MTUS1: variants seen among roughly 807,000 people sequenced by gnomAD.
MTUS1 encodes microtubule-associated tumor suppressor 1.
A neutral mutation model predicts 120.8 loss-of-function variants in MTUS1; 109 were observed. That is an observed-to-expected ratio of 0.90 (90% CI 0.77 to 1.06). The LOEUF (loss-of-function observed/expected upper bound fraction) is 1.06. Among genes scored for constraint, MTUS1 ranks in the 50% least tolerant of loss-of-function variants. The pLI is 0.00. For missense variants in MTUS1, 2,210 were observed against 1,486.3 expected, an observed-to-expected ratio of 1.49 and a Z score of -8.01; for synonymous variants, 737 against 550.5, an observed-to-expected ratio of 1.34 and a Z score of -4.74.
intron 7 of MTUS1, chr8:17,676,127 T>A: frequency 1.6e-6 from 1 of 628,366 alleles, no homozygotes; most frequent in Non-Finnish European, 2.9e-6. Flanking sequence ...TCCCACCACA[T>A]CCTGATCACA....
chr8:17,761,689 A>C (rs1021554267), intron 1 of MTUS1, among the ~76,000 whole-genome samples: 10 of 152,242 alleles, frequency 6.6e-5, no homozygotes, highest in African/African-American at 2.4e-4. Flanking sequence ...AGTAAAACAT[A>C]AGAACTGGCT....
chr8:17,789,476 T>C (rs2051589666), intron 1 of MTUS1, among the ~76,000 whole-genome samples: 1 of 152,230 alleles, frequency 6.6e-6, no homozygotes, highest in Non-Finnish European at 1.5e-5. Context: ...AAGTGTTAAA[T>C]GACCATGAAC....
At chr8:17,686,615 A>C (rs985777530) in intron 6 of MTUS1, among the ~76,000 whole-genome samples, 2 of 152,180 alleles carry the variant, frequency 1.3e-5, no homozygotes, top group African/African-American at 4.8e-5. Context: ...TTTCTATGCT[A>C]ATCAACGCTA....
At chr8:17,652,778 G>GT (rs1807301413) in intron 12 of MTUS1, among the ~76,000 whole-genome samples, 1 of 151,488 alleles carries the variant, frequency 6.6e-6, no homozygotes, top group African/African-American at 2.4e-5. Flanking sequence ...GGACGTTGCA[G>GT]TGAGCCGAGA....
At chr8:17,712,379 C>G (rs1821484335) in intron 6 of MTUS1, among the ~76,000 whole-genome samples, 1 of 151,996 alleles carries the variant, frequency 6.6e-6, no homozygotes, top group Non-Finnish European at 1.5e-5. Flanking sequence ...CTGTGTCACC[C>G]AGGCTGGAGT....
intron 6 of MTUS1, among the ~76,000 whole-genome samples, chr8:17,703,683 C>T (rs181431984): frequency 6.6e-6 from 1 of 151,292 alleles, no homozygotes; most frequent in East Asian, 1.9e-4. Flanking sequence ...TAGTCTCCTG[C>T]AGTACCCTCA....
chr8:17,700,489 CTT>C (rs1179698401), intron 6 of MTUS1, among the ~76,000 whole-genome samples: 1 of 70,402 alleles, frequency 1.4e-5, no homozygotes, highest in African/African-American at 5.1e-5. Flanking sequence ...AAAGATGAGT[CTT>C]TATGAAGCAG....
intron 8 of MTUS1, among the ~76,000 whole-genome samples, chr8:17,658,244 C>G (rs1563150247): frequency 1.3e-5 from 2 of 152,152 alleles, no homozygotes; most frequent in Non-Finnish European, 2.9e-5. Context: ...CCATGTTGGT[C>G]AGGCTGTTCT....
rs551794298 is a variant in MTUS1, at chr8:17,759,102, T to C, written c.-154-3141A>G. 1.2e-4 allele frequency among the ~76,000 whole-genome samples: 18 copies of C among 151,828 alleles called. No homozygotes were observed. In the South Asian group the frequency reaches 3.1e-3, roughly 26 times the overall value. ...TCCACTGTGTTAGCCAGCATGGTCT[T>C]GATCTCCTGACCTCGTGATCCGCCC... On this transcript the variant is annotated intron_variant, in intron 1 of 14. Transcript: ENST00000693296.
intron 6 of MTUS1, chr8:17,704,315 G>A (rs1287991879): frequency 6.6e-6 from 1 of 151,938 alleles, no homozygotes; most frequent in Admixed American, 6.6e-5. Context: ...GTCTATTTTT[G>A]CTTTTGTTAC....
At chr8:17,727,726 G>C (rs948201169) in intron 3 of MTUS1, among the ~76,000 whole-genome samples, 1 of 152,208 alleles carries the variant, frequency 6.6e-6, no homozygotes, top group African/African-American at 2.4e-5. Context: ...TCCCAGATGA[G>C]AAAGATAAAG....
At chr8:17,669,307 G>A (rs1182268624) in intron 8 of MTUS1, among the ~76,000 whole-genome samples, 1 of 152,132 alleles carries the variant, frequency 6.6e-6, no homozygotes, top group Non-Finnish European at 1.5e-5. Flanking sequence ...GCGACGGGAG[G>A]GGAGTGGAAA....
intron 4 of MTUS1, among the ~76,000 whole-genome samples, chr8:17,720,905 T>G (rs1004965868): frequency 6.6e-6 from 1 of 152,136 alleles, no homozygotes; most frequent in Non-Finnish European, 1.5e-5. Flanking sequence ...TTTCTACACT[T>G]AAAAGAACAC....
intron 6 of MTUS1, among the ~76,000 whole-genome samples, chr8:17,696,583 A>C (rs534776811): frequency 6.4e-4 from 97 of 152,352 alleles, no homozygotes; most frequent in African/African-American, 2.3e-3. Context: ...CCAATGCCCT[A>C]AAAGTGAGCA....
intron 14 of MTUS1, 109 bp from the exon 15 acceptor site, chr8:17,646,248 A>G: frequency 2.5e-6 from 3 of 1,200,338 alleles, no homozygotes; most frequent in South Asian, 1.6e-5. Flanking sequence ...CCTTTGGGAT[A>G]AAACAGAATC....
At position 17,755,217 on chromosome 8, in the gene MTUS1, A is replaced by G. The variant is rs1251551263; in HGVS notation, c.591T>C (p.Ser197=). 3 of 1,614,056 alleles carry G rather than the reference A, an allele frequency of 1.9e-6. No individual in the cohort carries two copies. Among genetic ancestry groups the G allele is most frequent in the South Asian group, 2.2e-5 (2 of 91,084 alleles). Residue 197 remains serine, a synonymous_variant, in exon 2 of 15, where the codon AGT becomes AGC. Transcript: ENST00000693296. ...AATAGGATAAAGAAGATGTACTTCCACTTCTCCTACCAGTTGGTGGCAGGC... is the reference window on the plus strand; with the variant it reads ...AATAGGATAAAGAAGATGTACTTCCGCTTCTCCTACCAGTTGGTGGCAGGC... ...AGSLPPTGRR[S]GSTSSLSYST...
intron 7 of MTUS1, among the ~76,000 whole-genome samples, chr8:17,682,474 C>T (rs1040571156): frequency 1.4e-5 from 2 of 143,798 alleles, no homozygotes; most frequent in African/African-American, 5.2e-5. Context: ...GCCCAGATCA[C>T]GCCATTGCAT....
chr8:17,701,781 C>A (rs1331049239), intron 6 of MTUS1, among the ~76,000 whole-genome samples: 1 of 152,156 alleles, frequency 6.6e-6, no homozygotes, highest in Non-Finnish European at 1.5e-5. Flanking sequence ...AATCTCCTGA[C>A]CTTGTGATCC....
intron 14 of MTUS1, 109 bp downstream of exon 14, chr8:17,646,873 T>C (rs1805901859): frequency 1.3e-6 from 1 of 746,478 alleles, no homozygotes; most frequent in Non-Finnish European, 2.3e-6. Context: ...TTTAACCATC[T>C]GCTTCCATCA....
Sources: allele counts gnomAD v4.1 joint callset (sites outside exome capture counted in the v4.1 genomes callset), GRCh38; gene constraint gnomAD v4.1.1; transcripts MANE v1.5; gene names NCBI Gene and HGNC (gene_info 2026-07-23, HGNC 2026-07-21).